LGSN: variants seen among roughly 807,000 people sequenced by gnomAD.
The protein encoded by LGSN is lengsin.
A neutral mutation model predicts 19.5 loss-of-function variants in LGSN; 21 were observed. The ratio of observed to expected loss-of-function variants is 1.07; its 90% CI spans 0.76 to 1.55. The LOEUF is 1.55. Among genes scored for constraint, LGSN ranks in the 40% most tolerant of loss-of-function variants. The pLI is 0.00. For synonymous variants in LGSN, 257 were observed against 215.6 expected (o/e 1.19, Z -1.68); for missense variants, 673 against 608.5 (o/e 1.11, Z -1.12).
chr6:63,393,564 G>A, the LGSN span, among the ~76,000 whole-genome samples: 14 of 152,066 alleles, frequency 9.2e-5, no homozygotes, highest in Non-Finnish European at 1.6e-4. Context: ...GATTAGGGTG[G>A]GGCAACCAGT....
the LGSN span, chr6:63,571,745 T>A: frequency 3.9e-5 from 6 of 152,122 alleles, no homozygotes; most frequent in African/African-American, 1.4e-4. Context: ...GTACGTAGTA[T>A]AGAGAGGTGT....
the LGSN span, among the ~76,000 whole-genome samples, chr6:63,417,621 T>C: frequency 6.6e-6 from 1 of 152,216 alleles, no homozygotes; most frequent in African/African-American, 2.4e-5. Flanking sequence ...TTAACACATA[T>C]AAACTGGTAT....
chr6:63,432,330 G>A, the LGSN span, among the ~76,000 whole-genome samples: 155 of 152,220 alleles, frequency 1.0e-3, no homozygotes, highest in African/African-American at 3.1e-3. Flanking sequence ...CATGCCTTCT[G>A]TTCATTCACA....
the LGSN span, among the ~76,000 whole-genome samples, chr6:63,391,142 G>T: frequency 6.6e-6 from 1 of 152,030 alleles, no homozygotes; most frequent in African/African-American, 2.4e-5. Flanking sequence ...TTAAAATCTC[G>T]TTTTTAAAAA....
At chr6:63,448,659 T>A in the LGSN span, among the ~76,000 whole-genome samples, 8 of 152,330 alleles carry the variant, frequency 5.3e-5, no homozygotes, top group African/African-American at 1.2e-4. Context: ...CACATTTTTT[T>A]ATTTTTTGTT....
the LGSN span, chr6:63,572,512 G>A: frequency 5.1e-6 from 2 of 391,278 alleles, no homozygotes; most frequent in Admixed American, 8.9e-5. Flanking sequence ...CTTCGGCTGC[G>A]GGCCGGCTCG....
the LGSN span, among the ~76,000 whole-genome samples, chr6:63,523,146 A>G: frequency 2.6e-5 from 4 of 151,940 alleles, no homozygotes; most frequent in Admixed American, 2.6e-4. Flanking sequence ...AATTACAGGC[A>G]CGAGCCATAG....
chr6:63,477,643 CT>C, the LGSN span, among the ~76,000 whole-genome samples: 29 of 121,070 alleles, frequency 2.4e-4, 1 homozygote, highest in South Asian at 7.9e-4. Context: ...GGTTTTCATC[CT>C]TTTTTTTTTT....
chr6:63,319,699 C>T (rs1421495107), intron 1 of LGSN, among the ~76,000 whole-genome samples: 3 of 152,050 alleles, frequency 2.0e-5, no homozygotes, highest in Admixed American at 6.6e-5. Context: ...ATGAGCTTTC[C>T]TAGATGAATA....
At chr6:63,528,268 C>G in the LGSN span, among the ~76,000 whole-genome samples, 1 of 152,126 alleles carries the variant, frequency 6.6e-6, no homozygotes, top group South Asian at 2.1e-4. Flanking sequence ...CTTGAGCACA[C>G]ATAGTATATT....
At chr6:63,353,152 T>G in the LGSN span, among the ~76,000 whole-genome samples, 86 of 152,246 alleles carry the variant, frequency 5.6e-4, no homozygotes, top group African/African-American at 2.0e-3. Context: ...ATTGAATGTT[T>G]TAATGGTTGG....
chr6:63,408,806 T>G, the LGSN span, among the ~76,000 whole-genome samples: 1 of 152,016 alleles, frequency 6.6e-6, no homozygotes, highest in Non-Finnish European at 1.5e-5. Flanking sequence ...ATATCCAGAA[T>G]CTACAATGAA....
the LGSN span, among the ~76,000 whole-genome samples, chr6:63,530,533 C>T: frequency 2.9e-4 from 44 of 152,198 alleles, no homozygotes; most frequent in African/African-American, 1.1e-3. Context: ...CTCCAGTGGA[C>T]GCCGTTCACA....
chr6:63,534,676 G>A, the LGSN span, among the ~76,000 whole-genome samples: 1 of 151,728 alleles, frequency 6.6e-6, no homozygotes, highest in Admixed American at 6.6e-5. Flanking sequence ...CACCAGGCAC[G>A]GTGGCTCATG....
At chr6:63,354,596 A>G in the LGSN span, among the ~76,000 whole-genome samples, 1 of 152,190 alleles carries the variant, frequency 6.6e-6, no homozygotes, top group Non-Finnish European at 1.5e-5. Flanking sequence ...TTTCTCAAAA[A>G]AACTAAAAAT....
the LGSN span, among the ~76,000 whole-genome samples, chr6:63,545,849 G>T: frequency 1.3e-5 from 2 of 151,472 alleles, no homozygotes; most frequent in African/African-American, 2.4e-5. Flanking sequence ...TGAGAAACCT[G>T]GTTCTAAGAA....
Position 63,279,749 on chromosome 6 carries a change from A to G in LGSN, c.*272T>C. The G allele has an allele frequency of 4.2e-6, 1 of 238,182 alleles. No homozygotes were observed. The allele number at this position is 238,182 out of a possible 1,614,324, so 14.8% of individuals were successfully genotyped here. A position where few individuals can be genotyped will look rare whatever the true frequency, so the allele number is the denominator to read the frequency against. ...CACCCAAAATTGGATATTCTTATCC[A>G]GGTCAACATACACATAGGAAATGAC... On this transcript the variant is annotated 3_prime_UTR_variant, in exon 4 of 4. Coordinates refer to ENST00000370657, the MANE Select transcript of LGSN (RefSeq NM_016571.3).
At chr6:63,443,914 C>CAAAA in the LGSN span, among the ~76,000 whole-genome samples, 1 of 141,044 alleles carries the variant, frequency 7.1e-6, no homozygotes, top group Non-Finnish European at 1.5e-5. Context: ...CAGCTGTCAC[C>CAAAA]AAAAAAAAAA....
upstream of LGSN, among the ~76,000 whole-genome samples, chr6:63,322,558 T>C (rs1035647616): frequency 6.6e-6 from 1 of 152,134 alleles, no homozygotes; most frequent in African/African-American, 2.4e-5. Flanking sequence ...AATTATGACA[T>C]ACCTAACAGG....
Sources: gnomAD v4.1 joint callset for allele counts (sites outside exome capture counted in the v4.1 genomes callset) on GRCh38, gnomAD v4.1.1 for gene constraint, MANE v1.5 for transcripts, NCBI Gene and HGNC (gene_info 2026-07-23, HGNC 2026-07-21) for gene names.